Variants in USP12 observed in about 807,000 individuals in gnomAD.
The protein encoded by USP12 is ubiquitin specific peptidase 12.
Under a neutral mutation model 45.5 loss-of-function variants are expected in USP12, and 19 were observed. The ratio of observed to expected loss-of-function variants is 0.42; its 90% CI spans 0.29 to 0.61. The LOEUF is 0.61. USP12 is among the 20% of genes least tolerant of loss of function. USP12 has a pLI of 0.22. For synonymous variants in USP12, 149 were observed against 148.8 expected (o/e 1.00, Z -0.01); for missense variants, 242 against 447.7 (o/e 0.54, Z 4.15).
rs115958023 is a variant in USP12, at chr13:27,151,640, G to A, written c.48+19952C>T. 5.2e-3 allele frequency among the ~76,000 whole-genome samples: 793 copies of A among 152,112 alleles called. 8 individuals carry two copies. The highest frequency in any genetic ancestry group is 0.018 in the African/African-American group (759 of 41,506). On this transcript the variant is annotated intron_variant, in intron 1 of 8. Transcript: ENST00000282344. The stretch of plus-strand genomic sequence containing the variant: ...TCTACAAAAAGTAAAAAATTAGCCA[G>A]GCATAGAGGCATGCACCTGTACTCC...
intron 7 of USP12, among the ~76,000 whole-genome samples, chr13:27,074,229 T>C (rs1275083386): frequency 1.3e-5 from 2 of 152,036 alleles, no homozygotes; most frequent in African/African-American, 4.8e-5. Context: ...TGAAACCCCG[T>C]CTCTACTAAA....
At chr13:27,082,519 TA>T (rs1271574380) in intron 6 of USP12, among the ~76,000 whole-genome samples, 1 of 152,198 alleles carries the variant, frequency 6.6e-6, no homozygotes, top group Non-Finnish European at 1.5e-5. Flanking sequence ...TTCACTAGAG[TA>T]GCTCTTTTAA....
chr13:27,131,647 A>C (rs1876508438), intron 1 of USP12, among the ~76,000 whole-genome samples: 1 of 152,226 alleles, frequency 6.6e-6, no homozygotes. Context: ...TGGACAGTTA[A>C]AATATCAGAA....
intron 3 of USP12, among the ~76,000 whole-genome samples, chr13:27,103,611 AATAAT>A (rs1874981939): frequency 1.1e-5 from 1 of 93,598 alleles, no homozygotes; most frequent in Non-Finnish European, 2.3e-5. Flanking sequence ...AAAAAAAAAT[AATAAT>A]AATAATAATA....
chr13:27,132,058 A>T (rs985627511), intron 1 of USP12, among the ~76,000 whole-genome samples: 2 of 152,234 alleles, frequency 1.3e-5, no homozygotes, highest in Non-Finnish European at 2.9e-5. Context: ...ACCAATTCTC[A>T]TATAGCACGT....
intron 1 of USP12, among the ~76,000 whole-genome samples, chr13:27,143,386 G>C (rs1198939996): frequency 2.0e-5 from 3 of 152,018 alleles, no homozygotes; most frequent in African/African-American, 7.2e-5. Context: ...CTTTTCTGAA[G>C]AAACAACAGT....
chr13:27,103,607 A>ATAATAATAATAATAAT (rs1555234497), intron 3 of USP12, among the ~76,000 whole-genome samples: 17 of 128,510 alleles, frequency 1.3e-4, no homozygotes, highest in African/African-American at 4.7e-4. Context: ...TCAAAAAAAA[A>ATAATAATAATAATAAT]AATAATAATA....
At chr13:27,130,543 A>C (rs1381837715) in intron 1 of USP12, among the ~76,000 whole-genome samples, 1 of 143,798 alleles carries the variant, frequency 7.0e-6, no homozygotes, top group African/African-American at 2.5e-5. Context: ...CACACACAAA[A>C]AAAATCACAA....
At chr13:27,167,730 GA>G (rs762266669) in intron 1 of USP12, among the ~76,000 whole-genome samples, 2 of 151,746 alleles carry the variant, frequency 1.3e-5, no homozygotes, top group East Asian at 3.8e-4. Context: ...CCTATTTCTT[GA>G]GAAGGAAAAA....
At position 27,148,115 on chromosome 13, in the gene USP12, C is replaced by T. The variant is rs563615207; in HGVS notation, c.48+23477G>A. 5.7e-5 allele frequency among the ~76,000 whole-genome samples: 8 copies of T among 140,286 alleles called. No homozygotes were observed. In the South Asian group the frequency reaches 1.1e-3, roughly 19 times the overall value. 92.0% of individuals were successfully genotyped at this position (140,286 alleles called of 152,430 possible). On this transcript the variant is annotated intron_variant, in intron 1 of 8. Transcript: ENST00000282344. ...CTGCACTCCAGACTGGGCAACAGAGCGAGACCTATCTCAAAAAAAAAAAAG... is the reference window on the plus strand; with the variant it reads ...CTGCACTCCAGACTGGGCAACAGAGTGAGACCTATCTCAAAAAAAAAAAAG...
intron 6 of USP12, 194 bp downstream of exon 6, chr13:27,089,689 T>C (rs1874226525): frequency 1.8e-6 from 1 of 557,526 alleles, no homozygotes; most frequent in Admixed American, 3.1e-5. Flanking sequence ...CACTTCAGGG[T>C]ACACAGTTTT....
chr13:27,079,026 G>A (rs1873625328), intron 6 of USP12, among the ~76,000 whole-genome samples: 1 of 151,510 alleles, frequency 6.6e-6, no homozygotes, highest in South Asian at 2.1e-4. Context: ...CCCCAGATAT[G>A]GAAACTAAGC....
At chr13:27,081,715 A>C (rs1182066561) in intron 6 of USP12, among the ~76,000 whole-genome samples, 1 of 152,234 alleles carries the variant, frequency 6.6e-6, no homozygotes, top group Non-Finnish European at 1.5e-5. Flanking sequence ...AATATTAAAT[A>C]ATAACAATTG....
chr13:27,075,152 C>T, intron 7 of USP12, 39 bp downstream of exon 7: 1 of 1,605,106 alleles, frequency 6.2e-7, no homozygotes, highest in Non-Finnish European at 8.5e-7. Context: ...CTCTTCTAAC[C>T]TAGGAATTCC....
At chr13:27,105,611 G>C (rs1875096597) in intron 3 of USP12, 120 bp downstream of exon 3, 11 of 950,780 alleles carry the variant, frequency 1.2e-5, no homozygotes, top group African/African-American at 1.6e-5. Flanking sequence ...TGTCATCCTT[G>C]TTTCTTCAAC....
In USP12 at chr13:27,121,777, C is replaced by T. The variant is rs539610439; in HGVS notation, c.49-5181G>A. ...TCAGGAGGCTGAAGCAGGAGAATGG[C>T]GCGAACCTGGGAGGCAGAGCTTGCA... On this transcript the variant is annotated intron_variant, in intron 1 of 8. Transcript: ENST00000282344. Among the ~76,000 whole-genome samples, 9 of 152,030 alleles carry T rather than the reference C, an allele frequency of 5.9e-5. No individual in the cohort carries two copies. In the South Asian group the frequency reaches 1.7e-3, roughly 28 times the overall value.
At chr13:27,110,127 T>A (rs76407407) in intron 2 of USP12, among the ~76,000 whole-genome samples, 7 of 119,622 alleles carry the variant, frequency 5.9e-5, no homozygotes, top group African/African-American at 1.6e-4. Context: ...CTTTTCCAGG[T>A]AAAAAAAAAA....
At chr13:27,117,666 T>A in intron 1 of USP12, 1 of 453,434 alleles carries the variant, frequency 2.2e-6, no homozygotes, top group South Asian at 1.6e-5. Flanking sequence ...GAATGTATAT[T>A]AAATATACTA....
intron 1 of USP12, among the ~76,000 whole-genome samples, chr13:27,157,004 T>A (rs116795329): frequency 1.2e-4 from 19 of 152,286 alleles, no homozygotes; most frequent in African/African-American, 4.6e-4. Context: ...ATTTGTTAAT[T>A]TCCTTACCTG....
Sources: gnomAD v4.1 joint callset for allele counts (sites outside exome capture counted in the v4.1 genomes callset) on GRCh38, gnomAD v4.1.1 for gene constraint, MANE v1.5 for transcripts, NCBI Gene and HGNC (gene_info 2026-07-23, HGNC 2026-07-21) for gene names.